Variants in SHC4 observed in about 807,000 individuals in gnomAD.
SHC4 encodes SHC adaptor protein 4, also known as SHC-transforming protein 4.
Under a neutral mutation model 69.4 loss-of-function variants are expected in SHC4, and 41 were observed. The ratio of observed to expected loss-of-function variants is 0.59; its 90% confidence interval spans 0.46 to 0.77. SHC4 has a LOEUF of 0.77. SHC4 is among the 30% of genes least tolerant of loss of function. The pLI, the probability that SHC4 is intolerant of heterozygous loss-of-function variation, is 0.00. For synonymous variants in SHC4, 318 were observed against 299.3 expected, an observed-to-expected ratio of 1.06 and a Z score of -0.64; for missense variants, 777 against 783.8, an observed-to-expected ratio of 0.99 and a Z score of 0.10.
intron 2 of SHC4, among the ~76,000 whole-genome samples, chr15:48,905,755 C>T (rs1307325161): frequency 3.9e-5 from 6 of 152,204 alleles, no homozygotes; most frequent in Non-Finnish European, 1.5e-5. Context: ...ACACTTGAAG[C>T]CATCTATTAC....
chr15:48,862,794 G>A (rs1042434865), intron 6 of SHC4, among the ~76,000 whole-genome samples: 2 of 152,150 alleles, frequency 1.3e-5, no homozygotes, highest in East Asian at 3.9e-4. Context: ...TCCTTCAGAA[G>A]AACCTTGCTC....
intron 3 of SHC4, 40 bp downstream of exon 3, chr15:48,890,708 A>G (rs1900120805): frequency 6.2e-7 from 1 of 1,610,780 alleles, no homozygotes; most frequent in Non-Finnish European, 8.5e-7. Flanking sequence ...CTTTGCCATA[A>G]TTAGGGAAAC....
chr15:48,862,094 A>G (rs936128491), intron 6 of SHC4, among the ~76,000 whole-genome samples: 2 of 152,214 alleles, frequency 1.3e-5, no homozygotes, highest in Non-Finnish European at 2.9e-5. Context: ...TATTCAGTTC[A>G]TAGCTAATTA....
chr15:48,915,541 C>A (rs2141019236), intron 2 of SHC4, among the ~76,000 whole-genome samples: 1 of 152,358 alleles, frequency 6.6e-6, no homozygotes, highest in South Asian at 2.1e-4. Flanking sequence ...TTCCTGACAT[C>A]TGCACGTGTG....
At chr15:48,893,293 T>C (rs1055117103) in intron 2 of SHC4, among the ~76,000 whole-genome samples, 4 of 152,212 alleles carry the variant, frequency 2.6e-5, no homozygotes, top group Admixed American at 2.6e-4. Context: ...TACTTTGATA[T>C]TGCTGGAGCA....
intron 2 of SHC4, among the ~76,000 whole-genome samples, chr15:48,892,505 G>A (rs1030456707): frequency 6.6e-6 from 1 of 152,034 alleles, no homozygotes; most frequent in Non-Finnish European, 1.5e-5. Flanking sequence ...TGGCTTGGTT[G>A]GTTGATTGAC....
At chr15:48,949,327 T>C (rs1341828374) in intron 1 of SHC4, among the ~76,000 whole-genome samples, 3 of 147,776 alleles carry the variant, frequency 2.0e-5, no homozygotes, top group Non-Finnish European at 3.0e-5. Context: ...GCCTAGATCA[T>C]GCCACTGCAC....
At chr15:48,920,078 G>A (rs1432889462) in intron 2 of SHC4, among the ~76,000 whole-genome samples, 4 of 150,270 alleles carry the variant, frequency 2.7e-5, no homozygotes, top group Admixed American at 6.6e-5. Flanking sequence ...GCAGTGGCAC[G>A]ATCTTGGCTC....
intron 10 of SHC4, among the ~76,000 whole-genome samples, chr15:48,839,429 A>G (rs1272638482): frequency 6.6e-6 from 1 of 152,248 alleles, no homozygotes; most frequent in African/African-American, 2.4e-5. Context: ...AAGTATGCAC[A>G]TGAAGAACAA....
At chr15:48,837,075 T>C (rs1240431524) in intron 10 of SHC4, among the ~76,000 whole-genome samples, 1 of 152,208 alleles carries the variant, frequency 6.6e-6, no homozygotes, top group Non-Finnish European at 1.5e-5. Flanking sequence ...GAGGAATGCA[T>C]GCACGCAGTG....
At chr15:48,929,649 G>A (rs1017240559) in intron 1 of SHC4, among the ~76,000 whole-genome samples, 1 of 152,174 alleles carries the variant, frequency 6.6e-6, no homozygotes, top group Non-Finnish European at 1.5e-5. Flanking sequence ...GAACAGTGTC[G>A]AGACGGGGGA....
intron 10 of SHC4, among the ~76,000 whole-genome samples, chr15:48,838,828 A>G (rs964974227): frequency 6.6e-6 from 1 of 152,192 alleles, no homozygotes; most frequent in Non-Finnish European, 1.5e-5. Flanking sequence ...AAAATTGACA[A>G]ACATGGATAA....
chr15:48,836,382 G>C (rs1043006235), intron 10 of SHC4, among the ~76,000 whole-genome samples: 1 of 152,092 alleles, frequency 6.6e-6, no homozygotes, highest in Non-Finnish European at 1.5e-5. Context: ...ACCCACAGAG[G>C]TCCCTAGCAG....
intron 5 of SHC4, among the ~76,000 whole-genome samples, chr15:48,868,486 T>C (rs925969532): frequency 1.3e-5 from 2 of 152,198 alleles, no homozygotes; most frequent in Non-Finnish European, 2.9e-5. Context: ...CAAAAAGAGA[T>C]GCACTGCTGA....
rs748026545 is a variant in SHC4 at position 48,872,124 on chromosome 15, T to C, written c.859A>G (p.Met287Val). 1.1e-5 allele frequency: 18 copies of C among 1,587,828 alleles called. No homozygotes were observed. Among genetic ancestry groups the C allele is most frequent in the Non-Finnish European group, 1.4e-5 (16 of 1,161,948 alleles). Residue 287 changes from methionine (M) to valine (V), a missense_variant, in exon 5 of 12, where the codon ATG becomes GTG. Coordinates refer to ENST00000332408, the MANE Select transcript of SHC4 (RefSeq NM_203349.4). ...DNQQIIANHHMQSISFASGGD... is the reference protein window; with the variant it reads ...DNQQIIANHHVQSISFASGGD... ...CCAGAGGCAAATGAAATAGACTGCA[T>C]ATGATGATTTGCAATAATCTGAAAA...
chr15:48,881,787 C>T (rs1194342131), intron 4 of SHC4, among the ~76,000 whole-genome samples: 1 of 152,130 alleles, frequency 6.6e-6, no homozygotes, highest in Non-Finnish European at 1.5e-5. Flanking sequence ...ATACCTATAA[C>T]TTACCCTTGC....
At chr15:48,828,868 T>A (rs1197775755) in intron 11 of SHC4, among the ~76,000 whole-genome samples, 1 of 152,168 alleles carries the variant, frequency 6.6e-6, no homozygotes, top group Non-Finnish European at 1.5e-5. Flanking sequence ...GTTGCTTTTA[T>A]TTTTTTGCTA....
chr15:48,836,495 G>C (rs1898900726), intron 10 of SHC4, among the ~76,000 whole-genome samples: 1 of 151,920 alleles, frequency 6.6e-6, no homozygotes, highest in Non-Finnish European at 1.5e-5. Context: ...AAACTTGTAT[G>C]TTTAATAAGG....
chr15:48,843,741 T>C (rs543690384), intron 9 of SHC4, among the ~76,000 whole-genome samples, 153 bp from the exon 10 acceptor site: 2 of 152,208 alleles, frequency 1.3e-5, no homozygotes, highest in African/African-American at 4.8e-5. Flanking sequence ...ACTTGGAAAA[T>C]CAAAATAAGC....
Sources: gnomAD v4.1 joint callset for allele counts (sites outside exome capture counted in the v4.1 genomes callset) on GRCh38, gnomAD v4.1.1 for gene constraint, MANE v1.5 for transcripts, NCBI Gene and HGNC (gene_info 2026-07-23, HGNC 2026-07-21) for gene names.